Variants in OR5D3 observed in about 807,000 individuals in gnomAD.
OR5D3 encodes the protein olfactory receptor 5D3.
chr11:55,725,512 T>C, the OR5D3 span, among the ~76,000 whole-genome samples: 94 of 152,224 alleles, frequency 6.2e-4, no homozygotes, highest in African/African-American at 2.1e-3. Context: ...AAACTTTTCA[T>C]TTAAAATTAC....
the OR5D3 span, among the ~76,000 whole-genome samples, chr11:55,725,877 A>G: frequency 6.6e-6 from 1 of 152,060 alleles, no homozygotes. Context: ...CCTCCAACAG[A>G]AATATTTGCA....
chr11:55,726,270 A>G, the OR5D3 span: 1 of 408,344 alleles, frequency 2.4e-6, no homozygotes. Flanking sequence ...GCTTCTCAGA[A>G]TTTCCAGACC....
chr11:55,725,926 C>T, the OR5D3 span, among the ~76,000 whole-genome samples: 2 of 152,060 alleles, frequency 1.3e-5, no homozygotes, highest in Non-Finnish European at 2.9e-5. Flanking sequence ...TGGCTCTTCT[C>T]ATGAAGCCTG....
chr11:55,724,747 C>T, the OR5D3 span, among the ~76,000 whole-genome samples: 2 of 151,952 alleles, frequency 1.3e-5, no homozygotes, highest in Non-Finnish European at 2.9e-5. Flanking sequence ...ATTATTCTTG[C>T]GATGTTGCAA....
the OR5D3 span, chr11:55,727,034 C>T: frequency 1.2e-5 from 5 of 402,796 alleles, no homozygotes; most frequent in East Asian, 1.4e-4. Context: ...GTCAAGGTGG[C>T]CTCTGTCTTT....
At chr11:55,724,844 A>G in the OR5D3 span, among the ~76,000 whole-genome samples, 22 of 152,170 alleles carry the variant, frequency 1.4e-4, no homozygotes, top group South Asian at 4.6e-3. Context: ...TAATTGTTTC[A>G]GGGAAATTGC....
chr11:55,725,984 C>T, the OR5D3 span, among the ~76,000 whole-genome samples: 1 of 151,924 alleles, frequency 6.6e-6, no homozygotes, highest in African/African-American at 2.4e-5. Flanking sequence ...TTTTGTTTTT[C>T]CTGTCTTAAT....
At chr11:55,726,913 C>A in the OR5D3 span, 1 of 399,296 alleles carries the variant, frequency 2.5e-6, no homozygotes, top group South Asian at 1.3e-4. Context: ...CACTGGGGGG[C>A]GCAAGAAAGC....
At chr11:55,726,122 C>A in the OR5D3 span, 1 of 397,022 alleles carries the variant, frequency 2.5e-6, no homozygotes, top group Non-Finnish European at 4.4e-6. Context: ...TAATAAAGAC[C>A]CACTAAGTCT....
the OR5D3 span, chr11:55,723,883 G>A: frequency 4.8e-4 from 181 of 379,508 alleles, 1 homozygote; most frequent in African/African-American, 3.3e-3. Context: ...TTAATAGGTT[G>A]GGTAAAAAAG....
At chr11:55,727,271 C>T in the OR5D3 span, 3 of 395,694 alleles carry the variant, frequency 7.6e-6, no homozygotes, top group South Asian at 4.3e-4. Context: ...TCTATTCACA[C>T]TGATGTTTAG....
chr11:55,728,165 G>A, the OR5D3 span: 2 of 151,968 alleles, frequency 1.3e-5, no homozygotes, highest in Non-Finnish European at 2.9e-5. Flanking sequence ...GATAGTCTTT[G>A]TTGAAAGCAG....
the OR5D3 span, among the ~76,000 whole-genome samples, chr11:55,725,575 T>C: frequency 2.6e-5 from 4 of 152,080 alleles, no homozygotes; most frequent in Non-Finnish European, 5.9e-5. Context: ...GTTGCAATAA[T>C]CTTCTCATAA....
At chr11:55,724,705 C>T in the OR5D3 span, among the ~76,000 whole-genome samples, 2 of 152,058 alleles carry the variant, frequency 1.3e-5, no homozygotes, top group African/African-American at 2.4e-5. Context: ...TTGTTAAAGT[C>T]ATTGGCTCTC....
At chr11:55,724,224 A>G in the OR5D3 span, among the ~76,000 whole-genome samples, 1 of 151,894 alleles carries the variant, frequency 6.6e-6, no homozygotes, top group Non-Finnish European at 1.5e-5. Flanking sequence ...TCTCCCTTTC[A>G]AATGATATCA....
the OR5D3 span, among the ~76,000 whole-genome samples, chr11:55,724,845 G>A: frequency 6.6e-6 from 1 of 151,980 alleles, no homozygotes. Flanking sequence ...AATTGTTTCA[G>A]GGAAATTGCT....
chr11:55,726,198 C>T, the OR5D3 span: 1 of 398,796 alleles, frequency 2.5e-6, no homozygotes, highest in Non-Finnish European at 4.4e-6. Context: ...GATCAACTTT[C>T]TTATTTTTTT....
chr11:55,726,265 T>G, the OR5D3 span: 2 of 406,174 alleles, frequency 4.9e-6, no homozygotes, highest in East Asian at 7.1e-5. Context: ...CTTGGGCTTC[T>G]CAGAATTTCC....
the OR5D3 span, chr11:55,726,746 T>C: frequency 2.5e-6 from 1 of 399,076 alleles, no homozygotes; most frequent in Non-Finnish European, 4.4e-6. Context: ...AATAACTTTG[T>C]CTGTGAGCAC....
Sources: gnomAD v4.1 joint callset for allele counts (sites outside exome capture counted in the v4.1 genomes callset) on GRCh38, gnomAD v4.1.1 for gene constraint, MANE v1.5 for transcripts, NCBI Gene and HGNC (gene_info 2026-07-23, HGNC 2026-07-21) for gene names.